The following DLGAP1 variants were observed in gnomAD, a reference collection of about 807,000 sequenced individuals.
DLGAP1 encodes DLG associated protein 1.
Under a neutral mutation model 90.8 loss-of-function variants are expected in DLGAP1, and 11 were observed. The observed-to-expected ratio is 0.12, with a 90% CI of 0.08 to 0.20. The LOEUF is 0.20. Ranked by LOEUF, DLGAP1 falls within the 10% of genes least tolerant of loss-of-function variation. The pLI is 1.00. For synonymous variants in DLGAP1, 558 were observed against 540.7 expected (o/e 1.03, Z -0.44); for missense variants, 1,050 against 1,333.8 (o/e 0.79, Z 3.31).
intron 5 of DLGAP1, among the ~76,000 whole-genome samples, chr18:3,784,699 T>C (rs911322762): frequency 6.6e-6 from 1 of 152,228 alleles, no homozygotes; most frequent in African/African-American, 2.4e-5. Context: ...AGGCCCAGTC[T>C]GGATCCAGTG....
chr18:3,754,603 TGGGGGGTGGCTCACA>T (rs1301064005), intron 5 of DLGAP1, among the ~76,000 whole-genome samples: 1 of 133,990 alleles, frequency 7.5e-6, no homozygotes, highest in African/African-American at 2.8e-5. Flanking sequence ...AAAAGAGGGG[TGGGGGGTGGCTCACA>T]CCTGTAATCC....
intron 5 of DLGAP1, among the ~76,000 whole-genome samples, chr18:3,804,244 C>T (rs1001336434): frequency 6.6e-6 from 1 of 152,074 alleles, no homozygotes; most frequent in African/African-American, 2.4e-5. Flanking sequence ...CCTGGCCTCC[C>T]AAAGTGCTGG....
At chr18:4,201,213 T>C (rs185029499) in intron 1 of DLGAP1, among the ~76,000 whole-genome samples, 5 of 152,282 alleles carry the variant, frequency 3.3e-5, no homozygotes, top group Admixed American at 3.3e-4. Flanking sequence ...TCACAAATTC[T>C]TTGCCTAGGC....
At chr18:3,686,136 A>G (rs59181023) in intron 7 of DLGAP1, among the ~76,000 whole-genome samples, 14,257 of 152,234 alleles carry the variant, frequency 0.094, 1,232 homozygotes, top group African/African-American at 0.22. Flanking sequence ...AGATTGTGCC[A>G]CTACACTCCA....
At position 4,334,294 on chromosome 18, in the gene DLGAP1, A is replaced by G. The variant is rs372887583; in HGVS notation, c.-267+120712T>C. On this transcript the variant is annotated intron_variant, in intron 1 of 12. Transcript: ENST00000315677. ...CTCACCTCAGTCTATTTCATATGTT[A>G]GTCTAGTCTCTATGACAAAGTAAGT... is the stretch of plus-strand genomic sequence containing the variant. Among the ~76,000 whole-genome samples the G allele has an allele frequency of 2.0e-5, 3 of 151,962 alleles. No individual in the cohort carries two copies. The East Asian group carries it at 5.8e-4, about 29-fold the overall frequency.
intron 1 of DLGAP1, among the ~76,000 whole-genome samples, chr18:4,386,577 C>T (rs2082234688): frequency 6.6e-6 from 1 of 152,180 alleles, no homozygotes; most frequent in South Asian, 2.1e-4. Flanking sequence ...AGCCAGTCGA[C>T]CTGTCCAAGG....
intron 3 of DLGAP1, among the ~76,000 whole-genome samples, chr18:3,992,341 T>C (rs748760313): frequency 1.3e-5 from 2 of 152,158 alleles, no homozygotes; most frequent in Non-Finnish European, 2.9e-5. Context: ...GCTTTTCTCT[T>C]CTCTTTATCA....
intron 1 of DLGAP1, among the ~76,000 whole-genome samples, chr18:4,351,733 G>A (rs6506198): frequency 0.18 from 27,096 of 152,106 alleles, 5,386 homozygotes; most frequent in African/African-American, 0.5. Context: ...GCTTAGATTT[G>A]TTGTACAAAT....
Position 3,582,165 on chromosome 18 carries a change from C to T in DLGAP1, c.1675G>A (p.Ala559Thr). The T allele has an allele frequency of 6.2e-7, 1 of 1,613,862 alleles. No homozygotes were observed. Among genetic ancestry groups the T allele is most frequent in the South Asian group, 1.1e-5 (1 of 91,070 alleles). The part of the protein sequence containing the change: ...TTTKPFISIT[A>T]QSSTESAQDA... ...TGGGCTGACTCTGTGCTACTCTGGG[C>T]TGTGATAGAAATGAAAGGTTTCGTG... Residue 559 changes from alanine to threonine, a missense_variant, in exon 8 of 13, where the codon GCC (alanine) becomes ACC (threonine). Coordinates refer to ENST00000315677, the MANE Select transcript of DLGAP1 (RefSeq NM_004746.4).
In DLGAP1 at chr18:4,130,714, T is replaced by C. The variant is rs114647387; in HGVS notation, c.-159+20466A>G. Among the ~76,000 whole-genome samples the C allele has an allele frequency of 3.1e-3, 469 of 152,166 alleles. 4 individuals carry two copies. The highest frequency in any genetic ancestry group is 0.01 in the African/African-American group (418 of 41,518). ...ACACGGACCACAAGAGAGCGGCACA[T>C]TGCGACTAATGTCAGGGTCATCACA... On this transcript the variant is annotated intron_variant, in intron 2 of 12. Coordinates refer to ENST00000315677, the MANE Select transcript of DLGAP1 (RefSeq NM_004746.4).
intron 1 of DLGAP1, among the ~76,000 whole-genome samples, chr18:4,434,320 A>G (rs556040184): frequency 1.3e-5 from 2 of 152,080 alleles, no homozygotes; most frequent in Non-Finnish European, 2.9e-5. Flanking sequence ...TGTGGCAATG[A>G]TTGGTTAACT....
intron 2 of DLGAP1, among the ~76,000 whole-genome samples, chr18:4,025,118 T>C (rs1048597062): frequency 1.3e-5 from 2 of 151,976 alleles, no homozygotes; most frequent in Non-Finnish European, 2.9e-5. Context: ...GAAAGACAAG[T>C]AGAGGAAATA....
intron 1 of DLGAP1, among the ~76,000 whole-genome samples, chr18:4,328,118 C>T (rs1356488185): frequency 6.6e-6 from 1 of 150,902 alleles, no homozygotes; most frequent in Admixed American, 6.6e-5. Context: ...GCTTCCCCTA[C>T]TAAGTTAGAC....
intron 1 of DLGAP1, among the ~76,000 whole-genome samples, chr18:4,198,997 A>T: frequency 6.6e-6 from 1 of 152,224 alleles, no homozygotes; most frequent in African/African-American, 2.4e-5. Flanking sequence ...GCAAGTGCTC[A>T]TCAGTCAAAA....
chr18:3,608,737 C>T (rs770282228), intron 7 of DLGAP1, among the ~76,000 whole-genome samples: 2 of 152,156 alleles, frequency 1.3e-5, no homozygotes, highest in African/African-American at 2.4e-5. Flanking sequence ...TACCCAGAGG[C>T]GAAGAAGGAA....
intron 1 of DLGAP1, among the ~76,000 whole-genome samples, chr18:4,210,382 A>G (rs1455444897): frequency 1.3e-5 from 2 of 152,210 alleles, no homozygotes; most frequent in Non-Finnish European, 2.9e-5. Flanking sequence ...ATGAAGGTGG[A>G]AATGTACTCA....
At chr18:4,436,385 C>T (rs553863877) in intron 1 of DLGAP1, among the ~76,000 whole-genome samples, 3 of 151,964 alleles carry the variant, frequency 2.0e-5, no homozygotes, top group South Asian at 2.1e-4. Context: ...TTCTGGGCCC[C>T]GACCACCAAA....
intron 3 of DLGAP1, among the ~76,000 whole-genome samples, chr18:3,921,021 A>T (rs944436030): frequency 6.6e-6 from 1 of 152,236 alleles, no homozygotes; most frequent in Non-Finnish European, 1.5e-5. Context: ...ATTTATAATC[A>T]CAACATGGCC....
At chr18:4,159,758 T>C (rs2076814505) in intron 1 of DLGAP1, among the ~76,000 whole-genome samples, 1 of 152,258 alleles carries the variant, frequency 6.6e-6, no homozygotes, top group African/African-American at 2.4e-5. Flanking sequence ...ATAGGCTTAT[T>C]TCATTTCTTT....
Sources: gnomAD v4.1 joint callset for allele counts (sites outside exome capture counted in the v4.1 genomes callset) on GRCh38, gnomAD v4.1.1 for gene constraint, MANE v1.5 for transcripts, NCBI Gene and HGNC (gene_info 2026-07-23, HGNC 2026-07-21) for gene names.